The following STK4 variants were observed in gnomAD, a reference collection of about 807,000 sequenced individuals.
The protein encoded by STK4 is serine/threonine-protein kinase 4.
Under a neutral mutation model 64.9 loss-of-function variants are expected in STK4, and 30 were observed. The observed-to-expected ratio is 0.46, with a 90% confidence interval of 0.35 to 0.63. The LOEUF (loss-of-function observed/expected upper bound fraction) is 0.63, where lower values mean the gene tolerates loss of function less well. Ranked by LOEUF, STK4 falls within the 20% of genes least tolerant of loss-of-function variation. The pLI is 0.01. For missense variants in STK4, 466 were observed against 598.5 expected (o/e 0.78, Z 2.31); for synonymous variants, 177 against 199.0 (o/e 0.89, Z 0.93).
At chr20:44,970,892 T>TGA (rs1397767233) in intron 1 of STK4, among the ~76,000 whole-genome samples, 1 of 146,506 alleles carries the variant, frequency 6.8e-6, no homozygotes, top group African/African-American at 2.6e-5. Flanking sequence ...TACACATTTG[T>TGA]GTGTGTGTGT....
intron 4 of STK4, among the ~76,000 whole-genome samples, chr20:44,982,868 A>AT (rs1376404964): frequency 0.013 from 1,951 of 152,340 alleles, 40 homozygotes; most frequent in African/African-American, 0.044. Context: ...AGTAACTATT[A>AT]ATAGAAAAGA....
chr20:45,053,013 G>T, intron 10 of STK4: 2 of 1,147,614 alleles, frequency 1.7e-6, no homozygotes, highest in Non-Finnish European at 2.6e-6. Flanking sequence ...TGTAAAGCTT[G>T]GTTTAAAGTA....
chr20:45,020,160 A>G (rs1041825255), intron 9 of STK4, among the ~76,000 whole-genome samples: 6 of 152,244 alleles, frequency 3.9e-5, no homozygotes, highest in Non-Finnish European at 5.9e-5. Context: ...TAAAAGGGGC[A>G]TAATAAATAA....
At chr20:45,068,143 A>G (rs1351190953) in intron 10 of STK4, among the ~76,000 whole-genome samples, 1 of 152,212 alleles carries the variant, frequency 6.6e-6, no homozygotes, top group Non-Finnish European at 1.5e-5. Flanking sequence ...TCCATTGAAA[A>G]ATGAGAAAAT....
intron 5 of STK4, 117 bp from the exon 6 acceptor site, chr20:44,994,973 A>G (rs1467070295): frequency 2.3e-6 from 2 of 884,856 alleles, no homozygotes; most frequent in Non-Finnish European, 3.1e-6. Flanking sequence ...ATTGTTGGAA[A>G]AGCCTCTTTT....
chr20:44,967,242 C>T, intron 1 of STK4: 2 of 985,180 alleles, frequency 2.0e-6, no homozygotes, highest in South Asian at 9.4e-5. Context: ...TTCACATCCT[C>T]CTCAGCTCTT....
chr20:44,994,870 T>C (rs183559093), intron 5 of STK4, among the ~76,000 whole-genome samples: 2 of 152,304 alleles, frequency 1.3e-5, no homozygotes, highest in African/African-American at 4.8e-5. Context: ...AGAATCTTTT[T>C]GTGTTTCTTT....
intron 10 of STK4, among the ~76,000 whole-genome samples, chr20:45,030,138 C>T (rs1019145749): frequency 4.7e-5 from 7 of 147,428 alleles, no homozygotes; most frequent in African/African-American, 1.7e-4. Context: ...GAGTCTCACT[C>T]TGTTGCTCAG....
chr20:45,075,147 G>T lies in STK4; in HGVS notation c.1435G>T (p.Ala479Ser), dbSNP rs368897909. Residue 479 changes from alanine to serine, a missense_variant, in exon 11 of 11, where the codon GCT (alanine) becomes TCT (serine). Ala to Ser is a moderately conservative substitution (Grantham distance 99). Transcript: ENST00000372806. Reference protein sequence around the residue: ...KRQPILDAIEAKKRRQQNF With the variant: ...KRQPILDAIESKKRRQQNF ...GCAGCCCATCCTGGATGCCATAGAG[G>T]CTAAGAAGAGACGGCAACAAAACTT... 5.9e-5 allele frequency: 95 copies of T among 1,613,944 alleles called. No individual in the cohort carries two copies. Among genetic ancestry groups the T allele is most frequent in the Non-Finnish European group, 7.7e-5 (91 of 1,180,040 alleles).
intron 9 of STK4, among the ~76,000 whole-genome samples, chr20:45,014,357 C>T (rs1015899917): frequency 3.1e-4 from 47 of 151,928 alleles, no homozygotes; most frequent in African/African-American, 1.1e-3. Flanking sequence ...AACCGGGAGG[C>T]GGAGATTGCA....
chr20:45,021,516 T>C (rs1366386857), intron 9 of STK4, among the ~76,000 whole-genome samples: 1 of 152,228 alleles, frequency 6.6e-6, no homozygotes, highest in Non-Finnish European at 1.5e-5. Flanking sequence ...ATCAGCTAAT[T>C]GTTTTTGAAT....
chr20:45,001,308 A>G lies in STK4; in HGVS notation c.1102A>G (p.Met368Val), dbSNP rs750401960. The change falls in exon 9 of 11, where the codon ATG becomes GTG. Residue 368 changes from methionine (M) to valine (V), a missense_variant. Met to Val is a conservative substitution (Grantham distance 21). Around this residue, in one of 2 missense-constraint regions of STK4, gnomAD observed 276 missense variants for 308.9 expected, o/e 0.89. Transcript: ENST00000372806. ...CACGTTGCCATCACAACTGGGCACC[A>G]TGGTGATCAATGCAGAGGATGAGGA... ...DDTLPSQLGTMVINAEDEEEE... is the reference protein window; with the variant it reads ...DDTLPSQLGTVVINAEDEEEE... The G allele has an allele frequency of 1.6e-5, 26 of 1,614,080 alleles. No homozygotes were observed. The East Asian group carries it at 4.7e-4, about 29-fold the overall frequency.
intron 10 of STK4, among the ~76,000 whole-genome samples, chr20:45,065,400 C>T (rs1979476399): frequency 6.6e-6 from 1 of 151,954 alleles, no homozygotes; most frequent in East Asian, 1.9e-4. Context: ...GAAAAATGGC[C>T]TGAAGTTTTT....
chr20:44,980,699 C>T (rs2067421819), intron 3 of STK4, among the ~76,000 whole-genome samples: 2 of 152,172 alleles, frequency 1.3e-5, no homozygotes, highest in South Asian at 2.1e-4. Context: ...GGAGTCTCCT[C>T]ACTCTGTTGC....
intron 2 of STK4, among the ~76,000 whole-genome samples, chr20:44,977,954 G>A (rs2067367958): frequency 6.6e-6 from 1 of 152,256 alleles, no homozygotes; most frequent in South Asian, 2.1e-4. Context: ...GTATAGATGG[G>A]GAGACAACGT....
At chr20:45,041,350 T>C (rs560932931) in intron 10 of STK4, among the ~76,000 whole-genome samples, 1 of 152,298 alleles carries the variant, frequency 6.6e-6, no homozygotes, top group South Asian at 2.1e-4. Flanking sequence ...TGTATGTTTG[T>C]ACTACCATTC....
chr20:44,974,203 C>G (rs894052138), intron 2 of STK4: 11 of 152,188 alleles, frequency 7.2e-5, no homozygotes, highest in African/African-American at 2.7e-4. Flanking sequence ...ACGTGAACCA[C>G]TGCACCTGGA....
chr20:44,995,033 T>C, intron 5 of STK4, 57 bp from the exon 6 acceptor site: 1 of 1,327,334 alleles, frequency 7.5e-7, no homozygotes, highest in Non-Finnish European at 1.0e-6. Flanking sequence ...AGACTTCCTC[T>C]GTGGACATCT....
chr20:45,017,782 C>A (rs1265145575), intron 9 of STK4, among the ~76,000 whole-genome samples: 4 of 152,114 alleles, frequency 2.6e-5, no homozygotes, highest in Non-Finnish European at 5.9e-5. Flanking sequence ...AGTTAGTAAT[C>A]CTTTGAATTT....
Sources: gnomAD v4.1 joint callset for allele counts (sites outside exome capture counted in the v4.1 genomes callset) on GRCh38, gnomAD v4.1.1 for gene constraint, gnomAD v4.1.1 regional missense constraint, MANE v1.5 for transcripts, NCBI Gene and HGNC (gene_info 2026-07-23, HGNC 2026-07-21) for gene names.